The following BTAF1 variants were observed in gnomAD, a reference collection of about 807,000 sequenced individuals.
BTAF1 encodes B-TFIID TATA-box binding protein associated factor 1, also known as TATA-binding protein-associated factor 172.
In BTAF1, 38 loss-of-function variants were observed where a neutral mutation model predicts 227.1. The observed-to-expected ratio is 0.17, with a 90% CI of 0.13 to 0.22. The LOEUF is 0.22. BTAF1 is among the 10% of genes least tolerant of loss of function. BTAF1 has a pLI of 1.00. For missense variants in BTAF1, 1,598 were observed against 2,204.0 expected (o/e 0.73, Z 5.51); for synonymous variants, 742 against 751.9 (o/e 0.99, Z 0.21).
chr10:91,936,975 C>T (rs2133798983), intron 2 of BTAF1, among the ~76,000 whole-genome samples: 1 of 151,950 alleles, frequency 6.6e-6, no homozygotes, highest in African/African-American at 2.4e-5. Flanking sequence ...TTTTCCTCGG[C>T]TGTCAGCGTT....
At chr10:91,929,426 AC>A (rs1844118528) in intron 1 of BTAF1, among the ~76,000 whole-genome samples, 1 of 152,218 alleles carries the variant, frequency 6.6e-6, no homozygotes, top group Admixed American at 6.5e-5. Flanking sequence ...TGAAAATGTT[AC>A]AGTGTTCAGA....
Position 91,984,146 on chromosome 10 carries a change from A to G in BTAF1, c.2224-55A>G, listed in dbSNP as rs1223654896. On this transcript the variant is annotated intron_variant, in intron 18 of 37. Transcript: ENST00000265990. The stretch of plus-strand genomic sequence containing the variant: ...GTAGTCTACAAATGACGATTTCTGT[A>G]TCTATAAAGTTAATGTTCATACAGT... The G allele has an allele frequency of 2.6e-5, 39 of 1,474,736 alleles. No homozygotes were observed. The East Asian group carries it at 7.8e-4, about 30-fold the overall frequency. The allele number at this position is 1,474,736 out of a possible 1,614,324, so 91.4% of individuals were successfully genotyped here. A position where few individuals can be genotyped will look rare whatever the true frequency, so the allele number is the denominator to read the frequency against.
intron 35 of BTAF1, 83 bp downstream of exon 35, chr10:92,025,050 G>T (rs529393386): frequency 2.4e-6 from 3 of 1,229,072 alleles, no homozygotes; most frequent in Non-Finnish European, 3.4e-6. Context: ...ATTTTCATTG[G>T]CTAAATATCT....
intron 19 of BTAF1, among the ~76,000 whole-genome samples, chr10:91,988,843 C>G (rs1168882690): frequency 6.6e-6 from 1 of 152,170 alleles, no homozygotes; most frequent in East Asian, 1.9e-4. Flanking sequence ...TCTTGTTTCA[C>G]CAGAGTATTC....
chr10:91,940,816 C>G (rs180905098), intron 3 of BTAF1, among the ~76,000 whole-genome samples: 2 of 152,090 alleles, frequency 1.3e-5, no homozygotes, highest in Non-Finnish European at 2.9e-5. Context: ...TCCCAAGTAG[C>G]TGCGATTACA....
At chr10:91,963,980 G>C in intron 12 of BTAF1, 97 bp from the exon 13 acceptor site, 1 of 1,321,508 alleles carries the variant, frequency 7.6e-7, no homozygotes, top group Non-Finnish European at 1.1e-6. Flanking sequence ...AATTGCATGT[G>C]TTGTTGAATC....
chr10:91,942,298 TTGTGTGTG>T (rs58443276), intron 3 of BTAF1, 116 bp from the exon 4 acceptor site: 39,286 of 532,672 alleles, frequency 0.074, 5 homozygotes, highest in East Asian at 0.11. Flanking sequence ...AAAAAAAAGT[TTGTGTGTG>T]TGTGTGTGTG....
chr10:91,978,376 T>C (rs1000475282), intron 14 of BTAF1, among the ~76,000 whole-genome samples: 5 of 152,068 alleles, frequency 3.3e-5, no homozygotes, highest in African/African-American at 4.8e-5. Context: ...GGGAACAGAG[T>C]TGGTAAATAT....
intron 21 of BTAF1, 34 bp downstream of exon 21, chr10:91,992,343 T>G: frequency 6.7e-7 from 1 of 1,501,744 alleles, no homozygotes; most frequent in Non-Finnish European, 9.0e-7. Context: ...AATGCTTTGA[T>G]TTTTAAACAA....
At chr10:92,000,202 T>C (rs905597144) in intron 25 of BTAF1, among the ~76,000 whole-genome samples, 11 of 152,240 alleles carry the variant, frequency 7.2e-5, no homozygotes, top group African/African-American at 1.7e-4. Context: ...TTTCATCCTC[T>C]GCTTCCTAGA....
intron 11 of BTAF1, among the ~76,000 whole-genome samples, chr10:91,960,466 A>G (rs1306511003): frequency 6.6e-6 from 1 of 152,206 alleles, no homozygotes; most frequent in Non-Finnish European, 1.5e-5. Context: ...TAAATATTGA[A>G]TACATGCTCT....
chr10:92,016,444 A>C lies in BTAF1; in HGVS notation c.4689A>C (p.Lys1563Asn). ...LSEETEKPKL[K>N]ATGHVFQALQ... ...AAGAAACTGAAAAACCAAAGCTTAAAGCTACAGGCCACGTATTCCAGGTAT... is the reference window on the plus strand; with the variant it reads ...AAGAAACTGAAAAACCAAAGCTTAACGCTACAGGCCACGTATTCCAGGTAT... Residue 1563 changes from lysine to asparagine, a missense_variant, in exon 33 of 38, where the codon AAA becomes AAC. Coordinates refer to ENST00000265990, the MANE Select transcript of BTAF1 (RefSeq NM_003972.3). The C allele has an allele frequency of 6.3e-7, 1 of 1,581,172 alleles. No homozygotes were observed. The highest frequency in any genetic ancestry group is 2.3e-5 in the East Asian group (1 of 43,706).
intron 3 of BTAF1, among the ~76,000 whole-genome samples, chr10:91,940,745 TG>T (rs1388922822): frequency 2.9e-4 from 44 of 152,226 alleles, no homozygotes; most frequent in African/African-American, 1.0e-3. Flanking sequence ...AGTGCAGTGG[TG>T]CAGTTTTGGC....
At chr10:92,015,110 A>G (rs1054050178) in intron 32 of BTAF1, among the ~76,000 whole-genome samples, 1 of 152,190 alleles carries the variant, frequency 6.6e-6, no homozygotes, top group South Asian at 2.1e-4. Flanking sequence ...GTATTATTTC[A>G]TTACCTAAAA....
chr10:92,018,669 G>A (rs1188805474), intron 33 of BTAF1, 114 bp from the exon 34 acceptor site: 2 of 935,732 alleles, frequency 2.1e-6, no homozygotes, highest in Admixed American at 3.2e-5. Flanking sequence ...CGAGCAAGAA[G>A]AGGGAGAAAG....
At position 91,942,716 on chromosome 10, in the gene BTAF1, A is replaced by G; in HGVS notation, c.400+148A>G. On this transcript the variant is annotated intron_variant, in intron 4 of 37. Transcript: ENST00000265990. ...TTGCAGGTGGCGGGGGATGCTATGA[A>G]TGGGAGGTAACCCAGCAGTATTTGG... 4 of 860,780 alleles carry G rather than the reference A, an allele frequency of 4.6e-6. No homozygotes were observed. The South Asian group carries it at 7.7e-5, about 17-fold the overall frequency. 53.3% of individuals were successfully genotyped at this position (860,780 alleles called of 1,614,324 possible).
intron 13 of BTAF1, among the ~76,000 whole-genome samples, chr10:91,964,664 A>G (rs1302796115): frequency 2.0e-5 from 3 of 152,168 alleles, no homozygotes; most frequent in Non-Finnish European, 4.4e-5. Flanking sequence ...CTTATCATGA[A>G]GGAAATACAT....
intron 35 of BTAF1, among the ~76,000 whole-genome samples, 163 bp from the exon 36 acceptor site, chr10:92,026,429 A>G (rs1458084896): frequency 6.6e-6 from 1 of 152,198 alleles, no homozygotes; most frequent in Non-Finnish European, 1.5e-5. Flanking sequence ...TTTACTAAAA[A>G]CGTTATACAT....
intron 34 of BTAF1, 97 bp from the exon 35 acceptor site, chr10:92,024,659 T>C (rs1851361897): frequency 9.6e-7 from 1 of 1,044,700 alleles, no homozygotes; most frequent in Non-Finnish European, 1.4e-6. Flanking sequence ...TTCAGGTACA[T>C]TTAACCTTTT....
Sources: gnomAD v4.1 joint callset for allele counts (sites outside exome capture counted in the v4.1 genomes callset) on GRCh38, gnomAD v4.1.1 for gene constraint, MANE v1.5 for transcripts, NCBI Gene and HGNC (gene_info 2026-07-23, HGNC 2026-07-21) for gene names.